LDLRAD3: variants seen among roughly 807,000 people sequenced by gnomAD.
LDLRAD3 encodes the protein low-density lipoprotein receptor class A domain-containing protein 3.
A neutral mutation model predicts 29.4 loss-of-function variants in LDLRAD3; 20 were observed. The ratio of observed to expected loss-of-function variants is 0.68; its 90% CI spans 0.48 to 0.99. The LOEUF (loss-of-function observed/expected upper bound fraction) is 0.99, where lower values mean the gene tolerates loss of function less well. LDLRAD3 is among the 50% of genes least tolerant of loss of function. LDLRAD3 has a pLI of 0.00. For synonymous variants in LDLRAD3, 157 were observed against 192.7 expected, an observed-to-expected ratio of 0.81 and a Z score of 1.53; for missense variants, 420 against 454.3, an observed-to-expected ratio of 0.92 and a Z score of 0.69.
At chr11:36,043,006 GT>G (rs1852401855) in intron 2 of LDLRAD3, among the ~76,000 whole-genome samples, 1 of 117,336 alleles carries the variant, frequency 8.5e-6, no homozygotes, top group Non-Finnish European at 2.1e-5. Flanking sequence ...TATCTCCTTT[GT>G]TTAAAAAAAA....
At chr11:36,051,600 T>G (rs1852528958) in intron 2 of LDLRAD3, among the ~76,000 whole-genome samples, 1 of 152,202 alleles carries the variant, frequency 6.6e-6, no homozygotes, top group Admixed American at 6.5e-5. Context: ...TAAATTCTCC[T>G]GTATAAAAGT....
At chr11:36,176,410 T>C (rs566292285) in intron 4 of LDLRAD3, among the ~76,000 whole-genome samples, 2 of 152,086 alleles carry the variant, frequency 1.3e-5, no homozygotes, top group Non-Finnish European at 2.9e-5. Context: ...ATAGGCCCTG[T>C]GGGATTTATG....
chr11:36,191,635 C>T (rs999497575), intron 4 of LDLRAD3, among the ~76,000 whole-genome samples: 67 of 141,260 alleles, frequency 4.7e-4, no homozygotes, highest in Non-Finnish European at 7.3e-4. Context: ...CACGCACGCA[C>T]GCACAAAGAA....
At chr11:36,131,863 A>C (rs1853930965) in intron 4 of LDLRAD3, among the ~76,000 whole-genome samples, 1 of 152,202 alleles carries the variant, frequency 6.6e-6, no homozygotes, top group South Asian at 2.1e-4. Context: ...TGGGCTGGGC[A>C]AAGGACCAGA....
chr11:36,081,858 A>G lies in LDLRAD3; in HGVS notation c.319+80A>G, dbSNP rs935948153. On this transcript the variant is annotated intron_variant, in intron 3 of 5. Coordinates refer to ENST00000315571, the MANE Select transcript of LDLRAD3 (RefSeq NM_174902.4). ...CTTGTCCACATTGGTCACCCTCATC[A>G]TGTGCTTCTTATACCTAGAGGCTCA... 5.2e-6 allele frequency: 8 copies of G among 1,548,568 alleles called. No homozygotes were observed. The Admixed American group carries it at 1.0e-4, about 20-fold the overall frequency.
chr11:36,186,670 A>G (rs553796577), intron 4 of LDLRAD3, among the ~76,000 whole-genome samples: 43 of 152,212 alleles, frequency 2.8e-4, no homozygotes, highest in Non-Finnish European at 5.1e-4. Context: ...GCAGGTCCAG[A>G]TTCAGAATTA....
intron 1 of LDLRAD3, among the ~76,000 whole-genome samples, chr11:36,004,337 T>C (rs1444536596): frequency 6.6e-6 from 1 of 152,194 alleles, no homozygotes; most frequent in Non-Finnish European, 1.5e-5. Flanking sequence ...AATGGGGCTG[T>C]AGTCCCCACA....
chr11:35,953,925 G>C (rs190434655), intron 1 of LDLRAD3, among the ~76,000 whole-genome samples: 207 of 152,312 alleles, frequency 1.4e-3, no homozygotes, highest in African/African-American at 4.8e-3. Context: ...GCAGGAACCT[G>C]GGGAAGCAGG....
At chr11:35,985,401 G>A (rs1851602488) in intron 1 of LDLRAD3, among the ~76,000 whole-genome samples, 1 of 152,150 alleles carries the variant, frequency 6.6e-6, no homozygotes, top group Non-Finnish European at 1.5e-5. Flanking sequence ...TGCAGATTCC[G>A]TAAGGTGGTC....
At chr11:36,185,661 G>C (rs1014941510) in intron 4 of LDLRAD3, among the ~76,000 whole-genome samples, 25 of 152,166 alleles carry the variant, frequency 1.6e-4, no homozygotes, top group African/African-American at 5.8e-4. Context: ...GGCCTCTCGA[G>C]GTGAGATTGC....
intron 3 of LDLRAD3, among the ~76,000 whole-genome samples, chr11:36,095,367 G>A (rs1444759746): frequency 1.6e-5 from 2 of 126,992 alleles, no homozygotes; most frequent in Admixed American, 8.8e-5. Flanking sequence ...CCAATGACCT[G>A]GTACTTTAAG....
intron 2 of LDLRAD3, among the ~76,000 whole-genome samples, chr11:36,077,875 T>C (rs1853041560): frequency 6.6e-6 from 1 of 152,210 alleles, no homozygotes; most frequent in Admixed American, 6.5e-5. Flanking sequence ...GTTATAGCTC[T>C]TTTAGCCTTG....
intron 2 of LDLRAD3, among the ~76,000 whole-genome samples, chr11:36,046,143 T>C (rs1358700784): frequency 6.6e-6 from 1 of 152,200 alleles, no homozygotes; most frequent in Non-Finnish European, 1.5e-5. Flanking sequence ...GGACATGAAC[T>C]CATTCTTTTT....
intron 4 of LDLRAD3, among the ~76,000 whole-genome samples, chr11:36,180,008 A>T (rs922348404): frequency 6.6e-6 from 1 of 152,140 alleles, no homozygotes; most frequent in Non-Finnish European, 1.5e-5. Flanking sequence ...AAAATAAATA[A>T]TCAAAACAAA....
intron 3 of LDLRAD3, among the ~76,000 whole-genome samples, chr11:36,090,940 T>C (rs531841680): frequency 6.6e-6 from 1 of 152,260 alleles, no homozygotes; most frequent in South Asian, 2.1e-4. Flanking sequence ...CAGGTGTCAA[T>C]AGGCAAGCCA....
rs1377097896 is a variant in LDLRAD3, at chr11:35,944,107, G to C, written c.9G>C (p.Leu3=). Residue 3 remains leucine, a synonymous_variant, in exon 1 of 6, where the codon CTG becomes CTC. Transcript: ENST00000315571. The surrounding 1 kb of genome is among the most constrained non-coding windows in gnomAD (Gnocchi z 4.9). MW[L]LGPLCLLLSS... ...GGAGCGGCGGCCGCGCCATGTGGCTGCTGGGGCCGCTGTGCCTGCTGCTGA... is the reference window on the plus strand; with the variant it reads ...GGAGCGGCGGCCGCGCCATGTGGCTCCTGGGGCCGCTGTGCCTGCTGCTGA... The C allele has an allele frequency of 9.3e-7, 1 of 1,069,818 alleles. No homozygotes were observed. 66.3% of individuals were successfully genotyped at this position (1,069,818 alleles called of 1,614,324 possible). A position where few individuals can be genotyped will look rare whatever the true frequency, so the allele number is the denominator to read the frequency against.
chr11:35,977,236 T>C (rs1045123815), intron 1 of LDLRAD3, among the ~76,000 whole-genome samples: 3 of 152,124 alleles, frequency 2.0e-5, no homozygotes, highest in Admixed American at 2.0e-4. Context: ...TCATCTGAAT[T>C]CCAGTTGGAG....
At chr11:36,174,280 A>G (rs530662848) in intron 4 of LDLRAD3, among the ~76,000 whole-genome samples, 10 of 152,346 alleles carry the variant, frequency 6.6e-5, no homozygotes, top group African/African-American at 2.4e-4. Flanking sequence ...AACCTAGACA[A>G]TGCCATTCAG....
chr11:36,115,463 T>G (rs1208739265), intron 4 of LDLRAD3, among the ~76,000 whole-genome samples: 1 of 152,120 alleles, frequency 6.6e-6, no homozygotes, highest in African/African-American at 2.4e-5. Flanking sequence ...TAGGGGCAGC[T>G]CGAACCTTTC....
Sources: gnomAD v4.1 joint callset for allele counts (sites outside exome capture counted in the v4.1 genomes callset) on GRCh38, gnomAD v4.1.1 for gene constraint, Gnocchi (gnomAD v3.1) non-coding constraint, MANE v1.5 for transcripts, NCBI Gene and HGNC (gene_info 2026-07-23, HGNC 2026-07-21) for gene names.